The following CYP19A1 variants were observed in gnomAD, a reference collection of about 807,000 sequenced individuals.
The protein encoded by CYP19A1 is cytochrome P450 family 19 subfamily A member 1, also known as aromatase.
A neutral mutation model predicts 44.4 loss-of-function variants in CYP19A1; 32 were observed. The observed-to-expected ratio is 0.72, with a 90% CI of 0.54 to 0.97. CYP19A1 has a LOEUF of 0.97. Among genes scored for constraint, CYP19A1 ranks in the 50% least tolerant of loss-of-function variants. The pLI is 0.00. For missense variants in CYP19A1, 598 were observed against 637.8 expected, an observed-to-expected ratio of 0.94 and a Z score of 0.67; for synonymous variants, 212 against 215.6, an observed-to-expected ratio of 0.98 and a Z score of 0.14.
chr15:51,332,353 ACT>A (rs919635116), intron 1 of CYP19A1, among the ~76,000 whole-genome samples: 1 of 151,116 alleles, frequency 6.6e-6, no homozygotes, highest in African/African-American at 2.4e-5. Flanking sequence ...TTCACTTCCC[ACT>A]CTCACACACC....
intron 5 of CYP19A1, among the ~76,000 whole-genome samples, chr15:51,219,579 G>A (rs1329653194): frequency 6.6e-6 from 1 of 152,208 alleles, no homozygotes; most frequent in Non-Finnish European, 1.5e-5. Flanking sequence ...GGCAGGCCCT[G>A]AGGCTGGAGC....
In CYP19A1 at chr15:51,309,479, A is replaced by G. The variant is rs185046649; in HGVS notation, c.-39+29016T>C. ...TCTTTATTTTTAAATATCAGATTCT[A>G]TCTACTAAAAGTGCTATCTGAACAC... On this transcript the variant is annotated intron_variant, in intron 1 of 9. Coordinates refer to ENST00000396402, the MANE Select transcript of CYP19A1 (RefSeq NM_000103.4). Among the ~76,000 whole-genome samples the G allele has an allele frequency of 8.3e-4, 127 of 152,300 alleles. 2 individuals are homozygous for G. Among genetic ancestry groups the G allele is most frequent in the African/African-American group, 3.0e-3 (124 of 41,550 alleles).
intron 5 of CYP19A1, among the ~76,000 whole-genome samples, chr15:51,220,641 G>T (rs1042041015): frequency 6.6e-6 from 1 of 152,162 alleles, no homozygotes; most frequent in Non-Finnish European, 1.5e-5. Flanking sequence ...AGGGGTAACT[G>T]TAATATTTTG....
At chr15:51,255,790 C>T (rs901679816) in intron 1 of CYP19A1, 1 of 152,198 alleles carries the variant, frequency 6.6e-6, no homozygotes. Context: ...AATGAGATTA[C>T]TTCTGAACAA....
chr15:51,329,924 A>G (rs2036673484), intron 1 of CYP19A1, among the ~76,000 whole-genome samples: 1 of 152,214 alleles, frequency 6.6e-6, no homozygotes, highest in African/African-American at 2.4e-5. Flanking sequence ...ATACAATTAC[A>G]GTGGGAGCAC....
chr15:51,330,205 G>A (rs1271552202), intron 1 of CYP19A1, among the ~76,000 whole-genome samples: 1 of 152,116 alleles, frequency 6.6e-6, no homozygotes, highest in African/African-American at 2.4e-5. Context: ...AGAGCCCTGT[G>A]TATGAACATA....
chr15:51,256,564 T>G (rs1325346491), intron 1 of CYP19A1, among the ~76,000 whole-genome samples: 1 of 152,174 alleles, frequency 6.6e-6, no homozygotes, highest in African/African-American at 2.4e-5. Context: ...GCCAATAAAA[T>G]GCTGTTAAAA....
intron 9 of CYP19A1, chr15:51,211,792 T>C: frequency 6.4e-6 from 2 of 312,336 alleles, no homozygotes; most frequent in Middle Eastern, 4.1e-4. Flanking sequence ...ACACATCAAT[T>C]ATAAAAAAAG....
chr15:51,231,626 CACACATGTGT>C (rs1421026255), intron 3 of CYP19A1, among the ~76,000 whole-genome samples: 1 of 151,496 alleles, frequency 6.6e-6, no homozygotes, highest in Non-Finnish European at 1.5e-5. Flanking sequence ...CACACATGCG[CACACATGTGT>C]GCGCATGTGT....
In CYP19A1 at chr15:51,236,945, G is replaced by A. The variant is rs530860668; in HGVS notation, c.210C>T (p.Ile70=). The A allele has an allele frequency of 5.6e-6, 9 of 1,614,144 alleles. No individual in the cohort carries two copies. The highest frequency in any genetic ancestry group is 4.0e-5 in the African/African-American group (3 of 75,024). ...ISHGRFLWMG[I]GSACNYYNRV... ...GGTTGTAGTAGTTGCAGGCACTGCC[G>A]ATCCCCATCCACAGGAATCTGCCGT... is the stretch of plus-strand genomic sequence containing the variant. The change falls in exon 3 of 10, where the codon ATC becomes ATT. Residue 70 remains isoleucine, a synonymous_variant. Coordinates refer to ENST00000396402, the MANE Select transcript of CYP19A1 (RefSeq NM_000103.4).
At position 51,235,440 on chromosome 15, in the gene CYP19A1, C is replaced by T. The variant is rs28757178; in HGVS notation, c.296+1419G>A. ...TTGAAGGACCACACTTTGAAAACTA[C>T]TGCATTAGAGTACTTCACAATGAAC... is the stretch of plus-strand genomic sequence containing the variant. On this transcript the variant is annotated intron_variant, in intron 3 of 9. Coordinates refer to ENST00000396402, the MANE Select transcript of CYP19A1 (RefSeq NM_000103.4). Among the ~76,000 whole-genome samples the T allele has an allele frequency of 5.8e-3, 878 of 152,312 alleles. 13 individuals are homozygous for T. The highest frequency in any genetic ancestry group is 0.02 in the African/African-American group (844 of 41,550).
chr15:51,330,890 T>C (rs182022526), intron 1 of CYP19A1, among the ~76,000 whole-genome samples: 57 of 152,066 alleles, frequency 3.7e-4, no homozygotes, highest in Non-Finnish European at 6.8e-4. Context: ...ATTTTGCAAA[T>C]AAGTCATCAG....
chr15:51,267,288 C>T (rs527511672), intron 1 of CYP19A1, among the ~76,000 whole-genome samples: 6 of 152,250 alleles, frequency 3.9e-5, no homozygotes, highest in Admixed American at 2.0e-4. Context: ...TGCCTGCGGT[C>T]GGTGCCGCCC....
chr15:51,215,350 T>C, intron 7 of CYP19A1, 118 bp from the exon 8 acceptor site: 1 of 1,460,846 alleles, frequency 6.8e-7, no homozygotes, highest in South Asian at 1.2e-5. Context: ...AAACCACATG[T>C]CTCTGTGATT....
At chr15:51,265,501 A>G (rs8029537) in intron 1 of CYP19A1, among the ~76,000 whole-genome samples, 67,017 of 151,972 alleles carry the variant, frequency 0.44, 14,955 homozygotes, top group African/African-American at 0.48. Flanking sequence ...TGAGGGAGGC[A>G]GGGTGCTCCT....
chr15:51,318,537 C>T (rs1007368787), intron 1 of CYP19A1: 4 of 152,232 alleles, frequency 2.6e-5, no homozygotes, highest in East Asian at 1.9e-4. Flanking sequence ...ACTCATGCCC[C>T]GCCCATGACC....
intron 1 of CYP19A1, among the ~76,000 whole-genome samples, chr15:51,267,843 G>A (rs1382604084): frequency 6.6e-6 from 1 of 152,240 alleles, no homozygotes; most frequent in Admixed American, 6.5e-5. Flanking sequence ...CCCCGGGGAA[G>A]GGTCTTCCCT....
rs755314039 is a variant in CYP19A1 at position 51,215,111 on chromosome 15, T to C, written c.980A>G (p.Asn327Ser). 2 of 1,614,016 alleles carry C rather than the reference T, an allele frequency of 1.2e-6. No individual in the cohort carries two copies. The highest frequency in any genetic ancestry group is 1.7e-6 in the Non-Finnish European group (2 of 1,179,966). Residue 327 changes from asparagine to serine, a missense_variant, in exon 8 of 10, where the codon AAT (asparagine) becomes AGT (serine). Physicochemically the swap from Asn to Ser is conservative, Grantham distance 46. Transcript: ENST00000396402. ...FMLFLIAKHP[N>S]VEEAIIKEIQ... Reference sequence around the variant, plus strand: ...TTCCTTTATTATTGCCTCTTCAACATTAGGGTGCTTTGCAATGAGAAATAG... The same window carrying C: ...TTCCTTTATTATTGCCTCTTCAACACTAGGGTGCTTTGCAATGAGAAATAG...
chr15:51,261,113 T>G (rs899607148), intron 1 of CYP19A1, among the ~76,000 whole-genome samples: 1 of 152,212 alleles, frequency 6.6e-6, no homozygotes, highest in African/African-American at 2.4e-5. Context: ...TGTTCCTGCA[T>G]GGCTAAGTGC....
Sources: gnomAD v4.1 joint callset for allele counts (sites outside exome capture counted in the v4.1 genomes callset) on GRCh38, gnomAD v4.1.1 for gene constraint, MANE v1.5 for transcripts, NCBI Gene and HGNC (gene_info 2026-07-23, HGNC 2026-07-21) for gene names.